CSMD1: variants seen among roughly 807,000 people sequenced by gnomAD.
CSMD1 encodes the protein CUB and sushi domain-containing protein 1.
Under a neutral mutation model 417.5 loss-of-function variants are expected in CSMD1, and 213 were observed. The observed-to-expected ratio is 0.51, with a 90% CI of 0.46 to 0.57. The LOEUF is 0.57. CSMD1 is among the 20% of genes least tolerant of loss of function. The probability of loss-of-function intolerance (pLI) is 0.00; values close to 1 mark genes in which losing one functional copy is unlikely to be tolerated. For missense variants in CSMD1, 6,923 were observed against 4,529.7 expected (o/e 1.53, Z -15.17); for synonymous variants, 2,862 against 1,736.8 (o/e 1.65, Z -16.11).
chr8:3,599,149 G>GTGTGTGTGTC (rs35919818), intron 8 of CSMD1, among the ~76,000 whole-genome samples: 69 of 146,520 alleles, frequency 4.7e-4, no homozygotes, highest in Non-Finnish European at 7.1e-4. Context: ...GTGTGTGTGT[G>GTGTGTGTGTC]TCTGTGTGTG....
intron 2 of CSMD1, among the ~76,000 whole-genome samples, chr8:4,635,835 T>C (rs1301122368): frequency 1.3e-5 from 2 of 151,888 alleles, no homozygotes; most frequent in East Asian, 1.9e-4. Flanking sequence ...ACCATAAATG[T>C]AATAAAAGGA....
intron 50 of CSMD1, among the ~76,000 whole-genome samples, chr8:3,032,899 C>T (rs931438843): frequency 1.3e-5 from 2 of 152,006 alleles, no homozygotes; most frequent in Non-Finnish European, 2.9e-5. Context: ...AAATTTTCCT[C>T]ATAAGTTTAA....
At chr8:4,605,581 G>A (rs1322428059) in intron 2 of CSMD1, among the ~76,000 whole-genome samples, 1 of 152,132 alleles carries the variant, frequency 6.6e-6, no homozygotes, top group East Asian at 1.9e-4. Flanking sequence ...GACTTTGGGA[G>A]GCAAAATCAT....
chr8:4,963,705 CT>C (rs1809669171), intron 1 of CSMD1, among the ~76,000 whole-genome samples: 1 of 152,252 alleles, frequency 6.6e-6, no homozygotes, highest in Middle Eastern at 3.4e-3. Flanking sequence ...TCTAAAAGCT[CT>C]TCTTTGACCA....
intron 2 of CSMD1, among the ~76,000 whole-genome samples, chr8:4,523,872 C>A (rs1585200245): frequency 6.6e-6 from 1 of 152,144 alleles, no homozygotes; most frequent in Non-Finnish European, 1.5e-5. Context: ...ACTCCTTTCT[C>A]CTTCTTTGGT....
intron 5 of CSMD1, among the ~76,000 whole-genome samples, chr8:3,938,713 C>T (rs960828592): frequency 6.6e-6 from 1 of 152,148 alleles, no homozygotes; most frequent in Non-Finnish European, 1.5e-5. Context: ...CAATTATAGA[C>T]CCAAACATAA....
intron 5 of CSMD1, among the ~76,000 whole-genome samples, chr8:3,778,058 G>A (rs142562862): frequency 1.3e-5 from 2 of 152,188 alleles, no homozygotes; most frequent in Non-Finnish European, 2.9e-5. Context: ...GGCTGTCCAC[G>A]TCCCTCCAGG....
intron 5 of CSMD1, among the ~76,000 whole-genome samples, chr8:3,783,810 G>C (rs1447080824): frequency 6.6e-6 from 1 of 152,136 alleles, no homozygotes; most frequent in Non-Finnish European, 1.5e-5. Context: ...CCATATTGTA[G>C]GACAGCATTT....
intron 2 of CSMD1, among the ~76,000 whole-genome samples, chr8:4,570,419 T>A (rs759673968): frequency 6.6e-5 from 10 of 152,214 alleles, no homozygotes; most frequent in African/African-American, 2.4e-4. Context: ...CTGGTTCTGT[T>A]TATGTGATGG....
intron 3 of CSMD1, among the ~76,000 whole-genome samples, chr8:4,037,874 C>T (rs1028603327): frequency 6.6e-5 from 10 of 151,848 alleles, no homozygotes; most frequent in East Asian, 1.9e-4. Context: ...CGTATACATA[C>T]GTACAATAAC....
At chr8:4,688,280 T>A (rs777856374) in intron 1 of CSMD1, among the ~76,000 whole-genome samples, 6 of 152,098 alleles carry the variant, frequency 3.9e-5, no homozygotes, top group Non-Finnish European at 7.3e-5. Context: ...TCTAACATAA[T>A]GAATCTATGT....
chr8:3,553,116 G>C (rs1585352819), intron 10 of CSMD1, among the ~76,000 whole-genome samples: 1 of 119,898 alleles, frequency 8.3e-6, no homozygotes, highest in Non-Finnish European at 1.9e-5. Flanking sequence ...ATAAATTGTG[G>C]ACAAGGAGAA....
intron 3 of CSMD1, among the ~76,000 whole-genome samples, chr8:4,172,323 A>C (rs1372366668): frequency 1.3e-5 from 2 of 152,196 alleles, no homozygotes; most frequent in Admixed American, 1.3e-4. Context: ...CTACCGAGAT[A>C]TGACTAGTGT....
At chr8:4,178,999 T>C (rs1308722374) in intron 3 of CSMD1, among the ~76,000 whole-genome samples, 2 of 152,144 alleles carry the variant, frequency 1.3e-5, no homozygotes, top group African/African-American at 2.4e-5. Flanking sequence ...ATGGCCATAC[T>C]GCCCAAGGTA....
intron 1 of CSMD1, among the ~76,000 whole-genome samples, chr8:4,978,079 G>A (rs553625003): frequency 3.7e-4 from 56 of 152,318 alleles, no homozygotes; most frequent in African/African-American, 1.2e-3. Context: ...TGAGAAGTGT[G>A]TATCTCGATC....
At position 3,408,082 on chromosome 8, in the gene CSMD1, C is replaced by G. The variant is rs1441617579; in HGVS notation, c.1888G>C (p.Asp630His). 1.9e-6 allele frequency: 3 copies of G among 1,613,846 alleles called. No homozygotes were observed. The African/African-American group carries it at 4.0e-5, about 22-fold the overall frequency. ...SRIHLIFNDF[D>H]VEPQFDFLAV... ...AGAAAGTCAAACTGAGGCTCAACATCAAAATCATTAAAGATTAGGTGAATT... is the reference window on the plus strand; with the variant it reads ...AGAAAGTCAAACTGAGGCTCAACATGAAAATCATTAAAGATTAGGTGAATT... Residue 630 changes from aspartate to histidine, a missense_variant, in exon 14 of 70, where the codon GAT becomes CAT. Physicochemically the swap from Asp to His is moderately conservative, Grantham distance 81. Transcript: ENST00000635120.
At chr8:4,191,523 T>C (rs181685686) in intron 3 of CSMD1, among the ~76,000 whole-genome samples, 3 of 152,312 alleles carry the variant, frequency 2.0e-5, no homozygotes, top group African/African-American at 4.8e-5. Flanking sequence ...TGGAGGTCAC[T>C]AAAACATGTG....
chr8:4,341,225 C>G, intron 3 of CSMD1, among the ~76,000 whole-genome samples: 1 of 152,112 alleles, frequency 6.6e-6, no homozygotes, highest in Middle Eastern at 3.4e-3. Flanking sequence ...ATGGTACTAG[C>G]AATTACATAA....
At chr8:3,074,214 G>A (rs904690039) in intron 49 of CSMD1, among the ~76,000 whole-genome samples, 1 of 152,186 alleles carries the variant, frequency 6.6e-6, no homozygotes, top group African/African-American at 2.4e-5. Flanking sequence ...TTCCAAGACA[G>A]CTACAAAGGC....
Sources: allele counts gnomAD v4.1 joint callset (sites outside exome capture counted in the v4.1 genomes callset), GRCh38; gene constraint gnomAD v4.1.1; transcripts MANE v1.5; gene names NCBI Gene and HGNC (gene_info 2026-07-23, HGNC 2026-07-21).